The following TTC27 variants were observed in gnomAD, a reference collection of about 807,000 sequenced individuals.
TTC27 encodes the protein tetratricopeptide repeat domain 27.
In TTC27, 79 loss-of-function variants were observed where a neutral mutation model predicts 115.9. The ratio of observed to expected loss-of-function variants is 0.68; its 90% CI spans 0.57 to 0.82. TTC27 has a LOEUF of 0.82. Among genes scored for constraint, TTC27 ranks in the 40% least tolerant of loss-of-function variants. The pLI, the probability that TTC27 is intolerant of heterozygous loss-of-function variation, is 0.00. For missense variants in TTC27, 1,054 were observed against 993.1 expected (o/e 1.06, Z -0.82); for synonymous variants, 401 against 356.0 (o/e 1.13, Z -1.42).
At chr2:32,753,810 A>C (rs1234851949) in intron 12 of TTC27, among the ~76,000 whole-genome samples, 2 of 152,174 alleles carry the variant, frequency 1.3e-5, no homozygotes, top group Non-Finnish European at 2.9e-5. Flanking sequence ...TCACACCTGT[A>C]ATCCCAGCAC....
In TTC27 at chr2:32,786,934, A is replaced by C. The variant is rs111400073; in HGVS notation, c.1833-50A>C. 3.6e-5 allele frequency: 53 copies of C among 1,468,562 alleles called. 3 individuals are homozygous for C. The African/African-American group carries it at 3.7e-4, about 10-fold the overall frequency. 91.0% of individuals were successfully genotyped at this position (1,468,562 alleles called of 1,614,324 possible). ...TATACATTTAGCTATGCTTTATTCT[A>C]ATAAAAAAAGAGTTCATTATTGCTC... On this transcript the variant is annotated intron_variant, in intron 15 of 19. Transcript: ENST00000317907.
chr2:32,794,137 C>A (rs1572620101), intron 16 of TTC27, among the ~76,000 whole-genome samples: 1 of 152,224 alleles, frequency 6.6e-6, no homozygotes, highest in South Asian at 2.1e-4. Flanking sequence ...TTCTACCCAA[C>A]AACAGCATAC....
At chr2:32,667,246 G>T (rs748457460) in intron 7 of TTC27, among the ~76,000 whole-genome samples, 51 of 151,738 alleles carry the variant, frequency 3.4e-4, no homozygotes, top group Admixed American at 8.5e-4. Flanking sequence ...GTCATTATTG[G>T]GGGGGTGGTT....
chr2:32,672,985 C>T (rs1666064544), intron 8 of TTC27, among the ~76,000 whole-genome samples: 1 of 152,116 alleles, frequency 6.6e-6, no homozygotes, highest in Admixed American at 6.6e-5. Flanking sequence ...AATTCTCAGA[C>T]CCCATTCAAA....
intron 12 of TTC27, among the ~76,000 whole-genome samples, chr2:32,752,534 G>A (rs769893107): frequency 7.9e-5 from 12 of 152,156 alleles, no homozygotes; most frequent in Non-Finnish European, 1.3e-4. Flanking sequence ...AATTCAGCCC[G>A]ATTTAAATTA....
At chr2:32,800,817 G>T (rs1258789814) in intron 16 of TTC27, among the ~76,000 whole-genome samples, 1 of 152,058 alleles carries the variant, frequency 6.6e-6, no homozygotes, top group African/African-American at 2.4e-5. Flanking sequence ...CTGTTTAAAT[G>T]TAGCTCCTCT....
At chr2:32,648,424 C>G (rs1031536553) in intron 4 of TTC27, among the ~76,000 whole-genome samples, 12 of 145,898 alleles carry the variant, frequency 8.2e-5, no homozygotes, top group Non-Finnish European at 1.5e-4. Context: ...ACCACTGCAC[C>G]TGGCACCCCC....
At chr2:32,778,283 AC>A (rs1670065506) in intron 14 of TTC27, among the ~76,000 whole-genome samples, 1 of 152,186 alleles carries the variant, frequency 6.6e-6, no homozygotes, top group Non-Finnish European at 1.5e-5. Context: ...TAATTGCATT[AC>A]TAGAAAGTTA....
chr2:32,754,410 A>G (rs1669131775), intron 12 of TTC27, among the ~76,000 whole-genome samples: 1 of 149,782 alleles, frequency 6.7e-6, no homozygotes, highest in African/African-American at 2.5e-5. Flanking sequence ...CCCTTAATCC[A>G]TTTAACCCTG....
intron 10 of TTC27, among the ~76,000 whole-genome samples, chr2:32,730,329 G>A (rs1201984916): frequency 6.6e-6 from 1 of 152,202 alleles, no homozygotes; most frequent in East Asian, 1.9e-4. Flanking sequence ...TGCCATTGTA[G>A]TTAAACTACT....
chr2:32,782,177 G>C (rs1670200289), intron 14 of TTC27, among the ~76,000 whole-genome samples: 1 of 152,138 alleles, frequency 6.6e-6, no homozygotes, highest in African/African-American at 2.4e-5. Context: ...AAATATCTTT[G>C]ATGGATGAAA....
intron 3 of TTC27, 38 bp downstream of exon 3, chr2:32,634,043 T>C (rs544441404): frequency 3.2e-6 from 5 of 1,578,064 alleles, no homozygotes; most frequent in East Asian, 2.3e-5. Flanking sequence ...ATTATTATTA[T>C]GTTATTTATT....
chr2:32,655,165 G>T (rs1390852601), intron 5 of TTC27, among the ~76,000 whole-genome samples: 3 of 151,226 alleles, frequency 2.0e-5, no homozygotes, highest in African/African-American at 7.3e-5. Context: ...ATTTTTTTTT[G>T]TATTTTTAGC....
chr2:32,767,455 T>G (rs201627112), intron 13 of TTC27, among the ~76,000 whole-genome samples: 2 of 118,016 alleles, frequency 1.7e-5, no homozygotes, highest in Non-Finnish European at 3.8e-5. Flanking sequence ...TTTTTTTTGT[T>G]TTTTTTTTTT....
chr2:32,775,816 C>G (rs1273114423), intron 13 of TTC27, among the ~76,000 whole-genome samples: 1 of 152,118 alleles, frequency 6.6e-6, no homozygotes, highest in African/African-American at 2.4e-5. Flanking sequence ...AAAAAGTACA[C>G]TTTAACATTG....
intron 9 of TTC27, among the ~76,000 whole-genome samples, chr2:32,701,299 C>CT (rs2151900235): frequency 6.6e-6 from 1 of 152,354 alleles, no homozygotes; most frequent in South Asian, 2.1e-4. Flanking sequence ...TCCAAGTCCT[C>CT]TTTTTACATT....
chr2:32,670,651 T>A (rs1276747730), intron 7 of TTC27, among the ~76,000 whole-genome samples: 2 of 152,100 alleles, frequency 1.3e-5, no homozygotes, highest in Non-Finnish European at 2.9e-5. Flanking sequence ...GGAATCTCGC[T>A]CTATTGCCCA....
Position 32,820,933 on chromosome 2 carries a change from T to C in TTC27, c.2527T>C (p.Tyr843His). The C allele has an allele frequency of 6.6e-7, 1 of 1,505,622 alleles. No individual in the cohort carries two copies. Among genetic ancestry groups the C allele is most frequent in the Non-Finnish European group, 8.9e-7 (1 of 1,120,282 alleles). 93.3% of individuals were successfully genotyped at this position (1,505,622 alleles called of 1,614,324 possible). ...QDLSNQFRNQ[Y>H] is the part of the protein sequence containing the mutation. The stretch of plus-strand genomic sequence containing the variant: ...CCTAAGCAACCAGTTTCGAAATCAG[T>C]ATTGATTCTGCTGGAAGCAGATTCT... Residue 843 changes from tyrosine to histidine, a missense_variant, in exon 20 of 20, where the codon TAT becomes CAT. Coordinates refer to ENST00000317907, the MANE Select transcript of TTC27 (RefSeq NM_017735.5).
At chr2:32,700,867 A>C (rs764184752) in intron 9 of TTC27, among the ~76,000 whole-genome samples, 8 of 152,220 alleles carry the variant, frequency 5.3e-5, no homozygotes, top group Non-Finnish European at 1.2e-4. Context: ...ACATTTTATA[A>C]TAAAATCTGA....
Sources: allele counts gnomAD v4.1 joint callset (sites outside exome capture counted in the v4.1 genomes callset), GRCh38; gene constraint gnomAD v4.1.1; transcripts MANE v1.5; gene names NCBI Gene and HGNC (gene_info 2026-07-23, HGNC 2026-07-21).